NCKAP5: variants seen among roughly 807,000 people sequenced by gnomAD.
NCKAP5 encodes NCK associated protein 5.
NCKAP5 carries 92 observed loss-of-function variants against 167.0 expected under a neutral mutation model. That is an observed-to-expected ratio of 0.55 (90% CI 0.47 to 0.66). NCKAP5 has a LOEUF of 0.66. Among genes scored for constraint, NCKAP5 ranks in the 30% least tolerant of loss-of-function variants. The pLI, the probability that NCKAP5 is intolerant of heterozygous loss-of-function variation, is 0.00. For synonymous variants in NCKAP5, 891 were observed against 877.4 expected (o/e 1.02, Z -0.27); for missense variants, 2,378 against 2,315.0 (o/e 1.03, Z -0.56).
intron 4 of NCKAP5, among the ~76,000 whole-genome samples, chr2:133,265,705 C>A (rs965238346): frequency 4.6e-5 from 7 of 151,640 alleles, no homozygotes; most frequent in African/African-American, 1.7e-4. Context: ...GCAAGGGAGG[C>A]AGTGCGGAGG....
intron 3 of NCKAP5, among the ~76,000 whole-genome samples, chr2:133,415,567 G>A (rs995685075): frequency 2.6e-5 from 4 of 152,186 alleles, no homozygotes; most frequent in African/African-American, 9.7e-5. Flanking sequence ...ACATGTATAG[G>A]TCAAAGGAGG....
At chr2:133,330,843 G>A (rs1682805163) in intron 3 of NCKAP5, among the ~76,000 whole-genome samples, 1 of 152,148 alleles carries the variant, frequency 6.6e-6, no homozygotes, top group African/African-American at 2.4e-5. Flanking sequence ...TTTGCAGTGA[G>A]CTATGATTAT....
Position 132,914,990 on chromosome 2 carries a change from C to CAAA in NCKAP5, c.580-36077_580-36075dup, listed in dbSNP as rs11404641. The stretch of plus-strand genomic sequence containing the variant: ...GCCAGCCATCAAGTAAAGCTATGGC[C>CAAA]AAAAAAAAAAAAAAAATGCCTATTG... On this transcript the variant is annotated intron_variant, in intron 8 of 19. Coordinates refer to ENST00000409261, the MANE Select transcript of NCKAP5 (RefSeq NM_207363.3). 1.1e-3 allele frequency among the ~76,000 whole-genome samples: 113 copies of CAAA among 104,040 alleles called. 3 individuals carry two copies. Among genetic ancestry groups the CAAA allele is most frequent in the African/African-American group, 2.7e-3 (93 of 34,204 alleles). The allele number at this position is 104,040 out of a possible 152,430, so 68.3% of individuals were successfully genotyped here.
chr2:132,787,159 C>T (rs1446342427), intron 13 of NCKAP5, among the ~76,000 whole-genome samples: 1 of 151,984 alleles, frequency 6.6e-6, no homozygotes, highest in African/African-American at 2.4e-5. Context: ...ACTAGTCTGA[C>T]CCATATGGTA....
chr2:133,610,165 T>C, the NCKAP5 span, among the ~76,000 whole-genome samples: 4 of 152,148 alleles, frequency 2.6e-5, no homozygotes, highest in African/African-American at 9.7e-5. Flanking sequence ...TTTTTCCTCC[T>C]TAATACCATG....
chr2:133,041,184 C>G (rs946852302), intron 6 of NCKAP5, among the ~76,000 whole-genome samples: 5 of 152,090 alleles, frequency 3.3e-5, no homozygotes, highest in African/African-American at 1.2e-4. Context: ...TTGCCTCTCT[C>G]TGATATGCTT....
In NCKAP5 at chr2:132,673,265, T is replaced by C; in HGVS notation, c.*24A>G. On this transcript the variant is annotated 3_prime_UTR_variant, in exon 20 of 20. Coordinates refer to ENST00000409261, the MANE Select transcript of NCKAP5 (RefSeq NM_207363.3). ...CTCTAGGGAAATTTTCGATAATCTA[T>C]TCTCGGGATCGTCTTTTGTTTCTTC... 1 of 1,517,684 alleles carries C rather than the reference T, an allele frequency of 6.6e-7. No individual in the cohort carries two copies. The highest frequency in any genetic ancestry group is 1.4e-5 in the African/African-American group (1 of 71,122). The allele number at this position is 1,517,684 out of a possible 1,614,324, so 94.0% of individuals were successfully genotyped here. A position where few individuals can be genotyped will look rare whatever the true frequency, so the allele number is the denominator to read the frequency against.
intron 3 of NCKAP5, among the ~76,000 whole-genome samples, chr2:133,493,921 C>T (rs1312686753): frequency 6.6e-6 from 1 of 152,184 alleles, no homozygotes; most frequent in African/African-American, 2.4e-5. Context: ...CACCCAAGGG[C>T]ACTTATCACT....
intron 19 of NCKAP5, among the ~76,000 whole-genome samples, chr2:132,720,965 C>T (rs62176982): frequency 0.19 from 28,535 of 150,492 alleles, 3,221 homozygotes; most frequent in Non-Finnish European, 0.26. Context: ...GAGCCAAGAT[C>T]GTGCCACTGC....
chr2:132,798,111 T>A (rs1684745428), intron 11 of NCKAP5, among the ~76,000 whole-genome samples: 1 of 152,154 alleles, frequency 6.6e-6, no homozygotes, highest in Non-Finnish European at 1.5e-5. Flanking sequence ...AAAATCCAAA[T>A]TTCTCCAGCA....
At chr2:133,335,275 CA>C (rs1459006615) in intron 3 of NCKAP5, among the ~76,000 whole-genome samples, 1 of 152,020 alleles carries the variant, frequency 6.6e-6, no homozygotes, top group Admixed American at 6.6e-5. Context: ...TTAATCAAAG[CA>C]AAAAAATTGG....
chr2:132,888,065 T>A lies in NCKAP5; in HGVS notation c.580-9149A>T, dbSNP rs911562565. ...TATTATTAGTCTTCTCCAGTTAGACTCTAAGCCCTTTGAGACAGGGATCAT... is the reference window on the plus strand; with the variant it reads ...TATTATTAGTCTTCTCCAGTTAGACACTAAGCCCTTTGAGACAGGGATCAT... On this transcript the variant is annotated intron_variant, in intron 8 of 19. Transcript: ENST00000409261. 5.9e-5 allele frequency among the ~76,000 whole-genome samples: 9 copies of A among 152,352 alleles called. 3 individuals carry two copies. Among genetic ancestry groups the A allele is most frequent in the Admixed American group, 6.5e-5 (1 of 15,308 alleles).
chr2:132,968,103 G>T (rs1433367717), intron 7 of NCKAP5, among the ~76,000 whole-genome samples: 1 of 152,186 alleles, frequency 6.6e-6, no homozygotes, highest in Non-Finnish European at 1.5e-5. Context: ...AGGCTAGCAG[G>T]AAATGAGATC....
intron 10 of NCKAP5, among the ~76,000 whole-genome samples, chr2:132,863,936 A>G (rs1690137943): frequency 6.6e-6 from 1 of 152,184 alleles, no homozygotes; most frequent in Admixed American, 6.5e-5. Context: ...TAGTACCTGG[A>G]TGGAGGGGGC....
At chr2:133,193,018 G>A (rs1056661679) in intron 5 of NCKAP5, among the ~76,000 whole-genome samples, 33 of 152,022 alleles carry the variant, frequency 2.2e-4, no homozygotes, top group Admixed American at 2.1e-3. Context: ...ATAAGTAAAT[G>A]ATTAAAAAGT....
chr2:132,696,286 C>G (rs1687300038), intron 19 of NCKAP5, among the ~76,000 whole-genome samples: 1 of 152,210 alleles, frequency 6.6e-6, no homozygotes, highest in Admixed American at 6.5e-5. Flanking sequence ...TGAGCTGGAG[C>G]TCACACCTAC....
At chr2:133,643,146 TTGTC>T in the NCKAP5 span, among the ~76,000 whole-genome samples, 11 of 152,332 alleles carry the variant, frequency 7.2e-5, no homozygotes, top group South Asian at 1.9e-3. Context: ...TCATTGTTAA[TTGTC>T]TGGCCATTAA....
intron 4 of NCKAP5, among the ~76,000 whole-genome samples, chr2:133,295,008 G>A (rs1471279351): frequency 6.6e-6 from 1 of 152,118 alleles, no homozygotes; most frequent in African/African-American, 2.4e-5. Context: ...CTTTTACTTG[G>A]GCAAATGGTT....
rs2149207632 is a variant in NCKAP5 at position 132,963,925 on chromosome 2, G to A, written c.430-56C>T. On this transcript the variant is annotated intron_variant, in intron 7 of 19. Coordinates refer to ENST00000409261, the MANE Select transcript of NCKAP5 (RefSeq NM_207363.3). Reference sequence around the variant, plus strand: ...AATCTCCAGTGAAAAATAAGCATGAGTGTGAGGCTGAAAAGGCTGGAATCA... The same window carrying A: ...AATCTCCAGTGAAAAATAAGCATGAATGTGAGGCTGAAAAGGCTGGAATCA... 4 of 1,589,884 alleles carry A rather than the reference G, an allele frequency of 2.5e-6. No individual in the cohort carries two copies. The South Asian group carries it at 3.3e-5, about 13-fold the overall frequency.
Sources: gnomAD v4.1 joint callset for allele counts (sites outside exome capture counted in the v4.1 genomes callset) on GRCh38, gnomAD v4.1.1 for gene constraint, MANE v1.5 for transcripts, NCBI Gene and HGNC (gene_info 2026-07-23, HGNC 2026-07-21) for gene names.